OR7A5: variants seen among roughly 807,000 people sequenced by gnomAD.
OR7A5 encodes the protein olfactory receptor 7A5.
For synonymous variants in OR7A5, 140 were observed against 146.7 expected, an observed-to-expected ratio of 0.95 and a Z score of 0.33; for missense variants, 319 against 377.9, an observed-to-expected ratio of 0.84 and a Z score of 1.29.
rs368136655 is a variant in OR7A5 at position 14,826,447 on chromosome 19, G to T, written c.*835C>A. 6.6e-6 allele frequency: 1 copy of T among 152,140 alleles called. No homozygotes were observed. Among genetic ancestry groups the T allele is most frequent in the African/African-American group, 2.4e-5 (1 of 41,442 alleles). 9.4% of individuals were successfully genotyped at this position (152,140 alleles called of 1,614,324 possible). Reference sequence around the variant, plus strand: ...CACTAAAAATTTTGAAGCAAAAACAGAAGTATGGATGCATGAAACATTATA... The same window carrying T: ...CACTAAAAATTTTGAAGCAAAAACATAAGTATGGATGCATGAAACATTATA... On this transcript the variant is annotated 3_prime_UTR_variant, in exon 2 of 2. Coordinates refer to ENST00000322301, the MANE Select transcript of OR7A5 (RefSeq NM_017506.2).
intron 1 of OR7A5, among the ~76,000 whole-genome samples, chr19:14,834,330 A>T (rs941859753): frequency 3.3e-5 from 5 of 152,172 alleles, no homozygotes; most frequent in African/African-American, 1.2e-4. Flanking sequence ...AAGCCAGCAG[A>T]TATTCCTCGC....
At chr19:14,832,439 T>C (rs1016922723) in intron 1 of OR7A5, among the ~76,000 whole-genome samples, 5 of 150,490 alleles carry the variant, frequency 3.3e-5, no homozygotes, top group South Asian at 2.1e-4. Context: ...CTTTTCTTTT[T>C]TTTTTTTAAT....
chr19:14,828,642 C>T (rs2044798788), intron 1 of OR7A5, among the ~76,000 whole-genome samples: 1 of 151,408 alleles, frequency 6.6e-6, no homozygotes, highest in African/African-American at 2.4e-5. Context: ...GCCTGTAGTC[C>T]CAGCTACTTG....
At chr19:14,831,636 G>C (rs1190531457) in intron 1 of OR7A5, among the ~76,000 whole-genome samples, 1 of 151,924 alleles carries the variant, frequency 6.6e-6, no homozygotes, top group South Asian at 2.1e-4. Flanking sequence ...GTAGAGATGG[G>C]GTTTCACCAT....
intron 1 of OR7A5, 184 bp from the exon 2 acceptor site, chr19:14,828,438 C>T (rs2044796885): frequency 1.5e-6 from 1 of 651,144 alleles, no homozygotes; most frequent in Admixed American, 3.1e-5. Flanking sequence ...TCAGCCTTAA[C>T]TGAAGACAGC....
intron 1 of OR7A5, among the ~76,000 whole-genome samples, chr19:14,832,981 C>A (rs1178513080): frequency 6.6e-6 from 1 of 152,176 alleles, no homozygotes; most frequent in Non-Finnish European, 1.5e-5. Flanking sequence ...TTGCACAGAG[C>A]AGATGCTCAG....
At position 14,827,631 on chromosome 19, in the gene OR7A5, G is replaced by C. The variant is rs143093089; in HGVS notation, c.611C>G (p.Ala204Gly). 4 of 1,614,012 alleles carry C rather than the reference G, an allele frequency of 2.5e-6. No individual in the cohort carries two copies. Among genetic ancestry groups the C allele is most frequent in the Non-Finnish European group, 3.4e-6 (4 of 1,180,022 alleles). ...AGTCAGGGGACCTCCACCCAGCAGC[G>C]CAACTGTAAAATATATCACCATGTG... ...LNHMVIYFTV[A>G]LLGGGPLTGI... Residue 204 changes from alanine (A) to glycine (G), a missense_variant, in exon 2 of 2, where the codon GCG (alanine) becomes GGG (glycine). Physicochemically the swap from Ala to Gly is moderately conservative, Grantham distance 60 (BLOSUM62 0). Coordinates refer to ENST00000322301, the MANE Select transcript of OR7A5 (RefSeq NM_017506.2).
chr19:14,832,379 TTCCC>T (rs1354740545), intron 1 of OR7A5, among the ~76,000 whole-genome samples: 1 of 151,486 alleles, frequency 6.6e-6, no homozygotes, highest in Non-Finnish European at 1.5e-5. Flanking sequence ...TTTTCCCTCC[TTCCC>T]TCCCTCCCTC....
At chr19:14,828,290 C>A (rs749781903) in intron 1 of OR7A5, 36 bp from the exon 2 acceptor site, 5 of 1,558,302 alleles carry the variant, frequency 3.2e-6, no homozygotes, top group Non-Finnish European at 4.3e-6. Context: ...GGAAACGAGA[C>A]AGGCATGCAT....
At chr19:14,830,308 A>G (rs919654184) in intron 1 of OR7A5, among the ~76,000 whole-genome samples, 3 of 152,242 alleles carry the variant, frequency 2.0e-5, no homozygotes, top group Non-Finnish European at 2.9e-5. Context: ...TTAAAGAAAC[A>G]TAAAAGAGCT....
intron 1 of OR7A5, 123 bp downstream of exon 1, chr19:14,834,951 A>G (rs1469443515): frequency 6.6e-6 from 1 of 152,232 alleles, no homozygotes; most frequent in Non-Finnish European, 1.5e-5. Flanking sequence ...CAAGCAAATA[A>G]CCGCAGCAAT....
Position 14,828,184 on chromosome 19 carries a change from C to A in OR7A5, c.58G>T (p.Glu20Ter). Residue 20 changes from glutamate to a stop codon, truncating the protein, a stop_gained, in exon 2 of 2, where the codon GAA becomes TAA. Coordinates refer to ENST00000322301, the MANE Select transcript of OR7A5 (RefSeq NM_017506.2). LOFTEE classifies it low-confidence loss of function (END_TRUNC). ...AAGAGGAAGGGTTGCAGTCCAGGTT[C>A]TTGTGAAAATCCCAGAAGAAGAAAT... is the stretch of plus-strand genomic sequence containing the variant. ...SEFLLLGFSQ[E>*]PGLQPFLFGL... 1 of 1,613,448 alleles carries A rather than the reference C, an allele frequency of 6.2e-7. No homozygotes were observed. The highest frequency in any genetic ancestry group is 8.5e-7 in the Non-Finnish European group (1 of 1,179,732).
intron 1 of OR7A5, among the ~76,000 whole-genome samples, chr19:14,832,487 G>A (rs369883498): frequency 3.0e-4 from 44 of 148,330 alleles, no homozygotes; most frequent in African/African-American, 1.0e-3. Context: ...GTGCAGTGGC[G>A]CGATCTCGGC....
chr19:14,833,205 A>G (rs549894318), intron 1 of OR7A5, among the ~76,000 whole-genome samples: 2 of 152,372 alleles, frequency 1.3e-5, no homozygotes, highest in Non-Finnish European at 2.9e-5. Context: ...TCGGCCAGGT[A>G]CGGTGGCTCA....
In OR7A5 at chr19:14,827,899, G is replaced by A. The variant is rs2044788085; in HGVS notation, c.343C>T (p.Leu115=). 4 of 1,614,216 alleles carry A rather than the reference G, an allele frequency of 2.5e-6. No homozygotes were observed. The East Asian group carries it at 8.9e-5, about 36-fold the overall frequency. Residue 115 remains leucine (L), a synonymous_variant, in exon 2 of 2, where the codon CTG becomes TTG. Coordinates refer to ENST00000322301, the MANE Select transcript of OR7A5 (RefSeq NM_017506.2). ...ILFAGFENFL[L]SVMAYDRFVA... ...AACCGGTCATAGGCCATCACGGACA[G>A]GAGGAAGTTTTCAAATCCAGCAAAG...
chr19:14,832,732 T>C (rs1313110402), intron 1 of OR7A5, among the ~76,000 whole-genome samples: 1 of 151,936 alleles, frequency 6.6e-6, no homozygotes, highest in African/African-American at 2.4e-5. Flanking sequence ...GCTACCTTCA[T>C]ATTTTCATAA....
At chr19:14,828,565 C>T (rs1334903951) in intron 1 of OR7A5, among the ~76,000 whole-genome samples, 1 of 151,842 alleles carries the variant, frequency 6.6e-6, no homozygotes, top group Non-Finnish European at 1.5e-5. Context: ...TTGAGACCAT[C>T]CTGGCCAACA....
At position 14,827,739 on chromosome 19, in the gene OR7A5, AAGGACAGCC is replaced by A; in HGVS notation, c.494_502del (p.Arg165_Phe168delinsLeu). 6.2e-7 allele frequency: 1 copy of A among 1,614,164 alleles called. No homozygotes were observed. On this transcript the variant is annotated inframe_deletion, in exon 2 of 2. Transcript: ENST00000322301. The stretch of plus-strand genomic sequence containing the variant: ...GTGGGGGATTTCTAAGGCTGTGCAG[AAGGACAGCC>A]GTACTACCATTAAGATTTGTAGCAA...
Position 14,827,837 on chromosome 19 carries a change from A to G in OR7A5, c.405T>C (p.Ile135=). ...AICHPLHYMV[I]MNPHLCGLLV... The stretch of plus-strand genomic sequence containing the variant: ...GCAGTCCACAGAGGTGAGGGTTCAT[A>G]ATGACCATGTAGTGCAGGGGGTGAC... Residue 135 remains isoleucine, a synonymous_variant, in exon 2 of 2, where the codon ATT becomes ATC. Transcript: ENST00000322301. 1 of 1,614,224 alleles carries G rather than the reference A, an allele frequency of 6.2e-7. No individual in the cohort carries two copies. Among genetic ancestry groups the G allele is most frequent in the Non-Finnish European group, 8.5e-7 (1 of 1,180,046 alleles).
Sources: allele counts gnomAD v4.1 joint callset (sites outside exome capture counted in the v4.1 genomes callset), GRCh38; gene constraint gnomAD v4.1.1; transcripts MANE v1.5; gene names NCBI Gene and HGNC (gene_info 2026-07-23, HGNC 2026-07-21).